IRAG2: variants seen among roughly 807,000 people sequenced by gnomAD.
IRAG2 encodes inositol 1,4,5-triphosphate receptor associated 2, also known as lymphoid restricted membrane protein.
Under a neutral mutation model 69.9 loss-of-function variants are expected in IRAG2, and 45 were observed. That is an observed-to-expected ratio of 0.64 (90% CI 0.51 to 0.83). The LOEUF (loss-of-function observed/expected upper bound fraction) is 0.83, where lower values mean the gene tolerates loss of function less well. Among genes scored for constraint, IRAG2 ranks in the 40% least tolerant of loss-of-function variants. The pLI is 0.00. For missense variants in IRAG2, 520 were observed against 587.0 expected (o/e 0.89, Z 1.18); for synonymous variants, 193 against 202.4 (o/e 0.95, Z 0.40).
exon 1 of IRAG2, chr12:25,004,900 T>C: frequency 8.1e-7 from 1 of 1,231,062 alleles, no homozygotes; most frequent in African/African-American, 1.5e-5. Context: ...AAAAAAATTA[T>C]CTCTGAATGA....
chr12:25,043,278 C>A (rs987262941), intron 16 of IRAG2, among the ~76,000 whole-genome samples: 3 of 152,210 alleles, frequency 2.0e-5, no homozygotes. Context: ...CTCTCAGCTT[C>A]TCCCTAGCAT....
At chr12:24,999,995 T>G (rs559774262), upstream of IRAG2, among the ~76,000 whole-genome samples, 3 of 152,272 alleles carry the variant, frequency 2.0e-5, no homozygotes, top group African/African-American at 7.2e-5. Flanking sequence ...ACCTAATAGC[T>G]CTAGTGGCTT....
intron 5 of IRAG2, among the ~76,000 whole-genome samples, chr12:25,016,125 G>A (rs568104368): frequency 6.6e-6 from 1 of 152,212 alleles, no homozygotes; most frequent in Non-Finnish European, 1.5e-5. Flanking sequence ...GAACCCGGAA[G>A]GTGGAGATTG....
At chr12:25,048,289 C>A (rs1944813676), upstream of IRAG2, among the ~76,000 whole-genome samples, 1 of 151,964 alleles carries the variant, frequency 6.6e-6, no homozygotes, top group African/African-American at 2.4e-5. Context: ...CCTTTGCCCA[C>A]TTTTTATTTT....
intron 3 of IRAG2, among the ~76,000 whole-genome samples, chr12:25,012,143 CCTTTTTTTTTTTT>C (rs1944480670): frequency 4.1e-5 from 1 of 24,102 alleles, no homozygotes; most frequent in African/African-American, 7.6e-5. Flanking sequence ...AAGCGAATTC[CCTTTTTTTTTTTT>C]TTTTTTTTTT....
intron 1 of IRAG2, among the ~76,000 whole-genome samples, chr12:25,057,859 A>T (rs1945372879): frequency 2.0e-5 from 3 of 152,156 alleles, no homozygotes; most frequent in Admixed American, 2.0e-4. Context: ...TCAGTTACAC[A>T]GTATGTACTT....
At chr12:25,038,622 CAG>C (rs1483293754) in intron 16 of IRAG2, among the ~76,000 whole-genome samples, 1 of 140,054 alleles carries the variant, frequency 7.1e-6, no homozygotes, top group Non-Finnish European at 1.5e-5. Flanking sequence ...GCCTGGGTGA[CAG>C]AGTGAGACTC....
chr12:25,081,143 T>C (rs928435822), intron 9 of IRAG2, among the ~76,000 whole-genome samples: 5 of 137,148 alleles, frequency 3.6e-5, no homozygotes, highest in African/African-American at 1.4e-4. Context: ...AAAACTTATG[T>C]GAATGTGGTC....
intron 1 of IRAG2, among the ~76,000 whole-genome samples, chr12:25,055,538 A>G (rs1178064185): frequency 6.6e-6 from 1 of 152,132 alleles, no homozygotes; most frequent in Non-Finnish European, 1.5e-5. Flanking sequence ...TACATGTACC[A>G]TGTTGGTGTG....
chr12:25,079,613 T>C, intron 8 of IRAG2, 43 bp from the exon 9 acceptor site: 1 of 1,298,818 alleles, frequency 7.7e-7, no homozygotes, highest in Non-Finnish European at 1.1e-6. Context: ...ATATATAATA[T>C]TATGTGCATA....
At chr12:25,073,368 G>A (rs1226253303) in intron 6 of IRAG2, among the ~76,000 whole-genome samples, 1 of 152,176 alleles carries the variant, frequency 6.6e-6, no homozygotes, top group Non-Finnish European at 1.5e-5. Context: ...TTTGTTGAAT[G>A]CCTATTTATT....
chr12:25,083,028 C>T (rs1947331532), intron 9 of IRAG2, among the ~76,000 whole-genome samples: 1 of 152,052 alleles, frequency 6.6e-6, no homozygotes, highest in African/African-American at 2.4e-5. Flanking sequence ...ATCAGCCTTG[C>T]AAATACAATA....
intron 17 of IRAG2, 95 bp from the exon 18 acceptor site, chr12:25,103,742 A>C: frequency 3.4e-6 from 3 of 872,920 alleles, no homozygotes; most frequent in Non-Finnish European, 5.6e-6. Flanking sequence ...GTGGTCAAGT[A>C]CACGGATATG....
intron 6 of IRAG2, among the ~76,000 whole-genome samples, chr12:25,075,087 T>C (rs191073195): frequency 3.5e-4 from 53 of 152,324 alleles, no homozygotes; most frequent in African/African-American, 1.1e-3. Flanking sequence ...GGGTGTGGTA[T>C]ACCTTTAGTT....
intron 6 of IRAG2, among the ~76,000 whole-genome samples, chr12:25,073,080 T>C (rs910577662): frequency 2.0e-5 from 3 of 152,208 alleles, no homozygotes; most frequent in Non-Finnish European, 4.4e-5. Flanking sequence ...GGCCTCTGTG[T>C]GAGTCTGGGA....
At chr12:25,077,319 T>TATATATG (rs1471001840) in intron 6 of IRAG2, among the ~76,000 whole-genome samples, 81 of 27,660 alleles carry the variant, frequency 2.9e-3, no homozygotes, top group Non-Finnish European at 4.8e-3. Context: ...ATATATATGA[T>TATATATG]ATATATATGA....
chr12:25,067,437 C>T (rs1256892077), intron 5 of IRAG2, among the ~76,000 whole-genome samples: 1 of 152,106 alleles, frequency 6.6e-6, no homozygotes, highest in Non-Finnish European at 1.5e-5. Flanking sequence ...AAATAGCATC[C>T]GATTCCACAG....
intron 15 of IRAG2, chr12:25,037,926 G>C: frequency 2.5e-6 from 1 of 398,382 alleles, no homozygotes; most frequent in Non-Finnish European, 4.4e-6. Context: ...TCATTTGTCC[G>C]TGTTTAACAT....
intron 6 of IRAG2, chr12:25,076,418 C>A (rs1592016319): frequency 3.1e-6 from 3 of 980,330 alleles, no homozygotes; most frequent in Non-Finnish European, 3.6e-6. Flanking sequence ...TTACACAGAG[C>A]ATTAGGGCAA....
Sources: allele counts gnomAD v4.1 joint callset (sites outside exome capture counted in the v4.1 genomes callset), GRCh38; gene constraint gnomAD v4.1.1; transcripts MANE v1.5; gene names NCBI Gene and HGNC (gene_info 2026-07-23, HGNC 2026-07-21).